The following ROBO1 variants were observed in gnomAD, a reference collection of about 807,000 sequenced individuals.
The protein encoded by ROBO1 is roundabout homolog 1.
A neutral mutation model predicts 195.9 loss-of-function variants in ROBO1; 149 were observed. The ratio of observed to expected loss-of-function variants is 0.76; its 90% CI spans 0.67 to 0.87. The LOEUF (loss-of-function observed/expected upper bound fraction) is 0.87, where lower values mean the gene tolerates loss of function less well. Ranked by LOEUF, ROBO1 falls within the 40% of genes least tolerant of loss-of-function variation. The probability of loss-of-function intolerance (pLI) is 0.00; values close to 1 mark genes in which losing one functional copy is unlikely to be tolerated. For synonymous variants in ROBO1, 816 were observed against 733.2 expected, an observed-to-expected ratio of 1.11 and a Z score of -1.82; for missense variants, 1,933 against 2,068.3, an observed-to-expected ratio of 0.93 and a Z score of 1.27.
chr3:79,423,269 T>C (rs372792130), intron 2 of ROBO1, among the ~76,000 whole-genome samples: 1 of 152,118 alleles, frequency 6.6e-6, no homozygotes, highest in South Asian at 2.1e-4. Flanking sequence ...CTGTAGTGAA[T>C]AGAAAGCCAA....
intron 4 of ROBO1, among the ~76,000 whole-genome samples, chr3:78,892,698 G>C (rs1490972888): frequency 6.6e-6 from 1 of 152,132 alleles, no homozygotes; most frequent in Non-Finnish European, 1.5e-5. Context: ...AGGTGGATCA[G>C]TGAAGAAATA....
At chr3:79,112,594 C>A (rs1311868229) in intron 3 of ROBO1, among the ~76,000 whole-genome samples, 1 of 152,176 alleles carries the variant, frequency 6.6e-6, no homozygotes, top group African/African-American at 2.4e-5. Context: ...CAAATGAGTT[C>A]ATGTCCTTTG....
chr3:79,562,498 C>A (rs2107714823), intron 2 of ROBO1, among the ~76,000 whole-genome samples: 1 of 152,036 alleles, frequency 6.6e-6, no homozygotes, highest in East Asian at 1.9e-4. Flanking sequence ...ATTGGGAAAT[C>A]ATCTGCCAAA....
intron 3 of ROBO1, among the ~76,000 whole-genome samples, chr3:78,967,492 T>C (rs979904543): frequency 5.9e-5 from 9 of 152,114 alleles, no homozygotes; most frequent in Non-Finnish European, 1.2e-4. Flanking sequence ...ACTCCCCATT[T>C]CACTTTCTCC....
intron 5 of ROBO1, among the ~76,000 whole-genome samples, chr3:78,731,650 C>T (rs979385047): frequency 1.3e-5 from 2 of 152,046 alleles, no homozygotes; most frequent in African/African-American, 4.8e-5. Flanking sequence ...TGCTGAATAT[C>T]TTCAAATTTA....
At position 78,809,917 on chromosome 3, in the gene ROBO1, C is replaced by A. The variant is rs570814663; in HGVS notation, c.500-63017G>T. 2.0e-5 allele frequency among the ~76,000 whole-genome samples: 3 copies of A among 151,612 alleles called. No individual in the cohort carries two copies. In the South Asian group the frequency reaches 6.3e-4, roughly 32 times the overall value. On this transcript the variant is annotated intron_variant, in intron 4 of 30. Transcript: ENST00000464233. ...ACGGGTTGATGGGTGCAGCAAACCA[C>A]CATGGCATGTGTATACCTATGTAAC...
intron 8 of ROBO1, among the ~76,000 whole-genome samples, chr3:78,711,360 TTCCTTCCTTCCTTC>T (rs2081706615): frequency 5.3e-5 from 2 of 38,088 alleles, no homozygotes; most frequent in Admixed American, 2.7e-4. Flanking sequence ...CCTTCCTTCC[TTCCTTCCTTCCTTC>T]CTTCCTTCCT....
chr3:79,583,924 A>G (rs1402593673), intron 2 of ROBO1, among the ~76,000 whole-genome samples: 1 of 152,010 alleles, frequency 6.6e-6, no homozygotes, highest in Non-Finnish European at 1.5e-5. Context: ...GACTCTAGAT[A>G]TTGCCAAGGT....
At chr3:79,624,411 T>A (rs542449821) in intron 1 of ROBO1, among the ~76,000 whole-genome samples, 1 of 152,102 alleles carries the variant, frequency 6.6e-6, no homozygotes, top group East Asian at 1.9e-4. Context: ...GCAAATTGGA[T>A]ACAGATTTAA....
chr3:78,979,491 A>G (rs1326694820), intron 3 of ROBO1, among the ~76,000 whole-genome samples: 1 of 152,224 alleles, frequency 6.6e-6, no homozygotes, highest in Non-Finnish European at 1.5e-5. Context: ...CTGTCTCCTC[A>G]GCAATGTAGA....
chr3:79,264,533 C>T (rs2082999951), intron 2 of ROBO1, among the ~76,000 whole-genome samples: 3 of 151,850 alleles, frequency 2.0e-5, no homozygotes, highest in South Asian at 2.1e-4. Context: ...TCCCAAAAGA[C>T]AGAAAGTTTG....
intron 1 of ROBO1, among the ~76,000 whole-genome samples, chr3:79,665,587 C>T (rs9880507): frequency 0.31 from 46,583 of 151,246 alleles, 8,520 homozygotes; most frequent in African/African-American, 0.52. Context: ...TCAAAAAAAA[C>T]ATTTGAGTCT....
chr3:79,168,817 A>G (rs1375961302), intron 2 of ROBO1, among the ~76,000 whole-genome samples: 3 of 152,178 alleles, frequency 2.0e-5, no homozygotes, highest in African/African-American at 7.2e-5. Flanking sequence ...AAAGTGAGGA[A>G]AATGCATCAC....
Position 78,670,196 on chromosome 3 carries a change from A to C in ROBO1, c.1448T>G (p.Val483Gly), listed in dbSNP as rs1229069393. 6.2e-7 allele frequency: 1 copy of C among 1,611,666 alleles called. No homozygotes were observed. Among genetic ancestry groups the C allele is most frequent in the Non-Finnish European group, 8.5e-7 (1 of 1,178,922 alleles). ...ATCCTTTCTCCACAGAATGGTGGGC[A>C]CTGGACTGCCTGTGGCCACACAGCT... ...VLSCVATGSP[V>G]PTILWRKDGV... Residue 483 changes from valine (V) to glycine (G), a missense_variant, in exon 11 of 31, where the codon GTG becomes GGG. Val to Gly is a moderately radical substitution (Grantham distance 109). Coordinates refer to ENST00000464233, the MANE Select transcript of ROBO1 (RefSeq NM_002941.4).
intron 2 of ROBO1, among the ~76,000 whole-genome samples, chr3:79,150,844 A>G (rs536413600): frequency 6.6e-6 from 1 of 151,906 alleles, no homozygotes; most frequent in Admixed American, 6.6e-5. Flanking sequence ...TCACTGAAGG[A>G]TAGAATCCTC....
chr3:78,665,177 C>G lies in ROBO1; in HGVS notation c.1966+2706G>C, dbSNP rs111953246. On this transcript the variant is annotated intron_variant, in intron 14 of 30. Coordinates refer to ENST00000464233, the MANE Select transcript of ROBO1 (RefSeq NM_002941.4). ...TTAAAAGTCCATCTGAAAATGTAGT[C>G]TCCAGAACAAACACATTACTCCATT... 2.5e-3 allele frequency among the ~76,000 whole-genome samples: 382 copies of G among 152,254 alleles called. 2 individuals carry two copies. The highest frequency in any genetic ancestry group is 8.9e-3 in the African/African-American group (368 of 41,544).
rs1019282723 is a variant in ROBO1 at position 79,390,307 on chromosome 3, GA to G, written c.88+199516del. 1.1e-3 allele frequency among the ~76,000 whole-genome samples: 168 copies of G among 149,908 alleles called. 1 individual carries two copies. Among genetic ancestry groups the G allele is most frequent in the African/African-American group, 4.0e-3 (162 of 40,828 alleles). On this transcript the variant is annotated intron_variant, in intron 2 of 30. Transcript: ENST00000464233. ...TGAAACAACAACAACAACAAAGGAG[GA>G]AAAAAAAATCCAGAGCTAGGGATAT...
At chr3:79,064,311 C>T (rs2078969760) in intron 3 of ROBO1, among the ~76,000 whole-genome samples, 2 of 151,888 alleles carry the variant, frequency 1.3e-5, no homozygotes, top group Admixed American at 1.3e-4. Context: ...TACTTGTATA[C>T]ACTGACATAC....
intron 2 of ROBO1, among the ~76,000 whole-genome samples, chr3:79,272,654 G>T (rs776479340): frequency 4.6e-5 from 7 of 152,030 alleles, no homozygotes; most frequent in Non-Finnish European, 7.4e-5. Context: ...GGAATGCAGT[G>T]CATTGCATTC....
Sources: gnomAD v4.1 joint callset for allele counts (sites outside exome capture counted in the v4.1 genomes callset) on GRCh38, gnomAD v4.1.1 for gene constraint, MANE v1.5 for transcripts, NCBI Gene and HGNC (gene_info 2026-07-23, HGNC 2026-07-21) for gene names.